DDX21: variants seen among roughly 807,000 people sequenced by gnomAD.
DDX21 encodes DExD-box helicase 21, also known as nucleolar RNA helicase 2.
In DDX21, 18 loss-of-function variants were observed where a neutral mutation model predicts 90.0. The ratio of observed to expected loss-of-function variants is 0.20; its 90% CI spans 0.14 to 0.30. The LOEUF is 0.30. DDX21 is among the 10% of genes least tolerant of loss of function. The probability of loss-of-function intolerance (pLI) is 1.00; values close to 1 mark genes in which losing one functional copy is unlikely to be tolerated. For synonymous variants in DDX21, 294 were observed against 318.0 expected (o/e 0.92, Z 0.80); for missense variants, 673 against 944.5 (o/e 0.71, Z 3.77).
chr10:68,965,307 G>A (rs1055962228), intron 4 of DDX21, 70 bp from the exon 5 acceptor site: 2 of 1,232,202 alleles, frequency 1.6e-6, no homozygotes, highest in Non-Finnish European at 2.3e-6. Context: ...CTGGAATGCT[G>A]TTCTTTAAGG....
At chr10:68,974,101 C>G (rs1300761372) in intron 10 of DDX21, among the ~76,000 whole-genome samples, 1 of 152,146 alleles carries the variant, frequency 6.6e-6, no homozygotes, top group Non-Finnish European at 1.5e-5. Context: ...TAGGGACTTG[C>G]TTTCAAAGAA....
intron 11 of DDX21, 103 bp from the exon 12 acceptor site, chr10:68,977,426 C>A: frequency 9.4e-7 from 1 of 1,059,120 alleles, no homozygotes; most frequent in Non-Finnish European, 1.3e-6. Flanking sequence ...ATATGTTACA[C>A]ATGTGAAAGA....
chr10:68,977,423 A>C, intron 11 of DDX21, 106 bp from the exon 12 acceptor site: 7 of 1,004,288 alleles, frequency 7.0e-6, no homozygotes, highest in South Asian at 6.2e-5. Flanking sequence ...TAAATATGTT[A>C]CACATGTGAA....
chr10:68,974,639 G>C, intron 10 of DDX21, 31 bp from the exon 11 acceptor site: 1 of 1,592,820 alleles, frequency 6.3e-7, no homozygotes, highest in Non-Finnish European at 8.6e-7. Flanking sequence ...GATGGCCACT[G>C]TACATTAAAC....
intron 10 of DDX21, among the ~76,000 whole-genome samples, chr10:68,973,972 T>C (rs558378403): frequency 1.3e-5 from 2 of 152,248 alleles, no homozygotes; most frequent in East Asian, 3.9e-4. Flanking sequence ...TGAGGGTATG[T>C]CAAAAGGATA....
chr10:68,956,489 A>G, intron 1 of DDX21, 177 bp downstream of exon 1: 2 of 1,443,912 alleles, frequency 1.4e-6, no homozygotes, highest in African/African-American at 1.4e-5. Flanking sequence ...CGGGCAGTGG[A>G]CGCGTCGTTT....
At chr10:68,966,178 C>A (rs1203939761) in intron 5 of DDX21, among the ~76,000 whole-genome samples, 1 of 151,592 alleles carries the variant, frequency 6.6e-6, no homozygotes, top group Non-Finnish European at 1.5e-5. Flanking sequence ...CACCTGTAGT[C>A]CCAGCTACTC....
chr10:68,974,986 C>A (rs1356342745), intron 11 of DDX21, among the ~76,000 whole-genome samples: 1 of 151,316 alleles, frequency 6.6e-6, no homozygotes, highest in Non-Finnish European at 1.5e-5. Context: ...TAACTGATAA[C>A]CTGTTTATCA....
At chr10:68,962,420 C>T (rs992050247) in intron 3 of DDX21, among the ~76,000 whole-genome samples, 1 of 152,126 alleles carries the variant, frequency 6.6e-6, no homozygotes, top group African/African-American at 2.4e-5. Flanking sequence ...TTGAGATCTT[C>T]CTGGGTAACA....
Position 68,962,099 on chromosome 10 carries a change from A to C in DDX21, c.549A>C (p.Gln183His). The change falls in exon 3 of 15, where the codon CAA becomes CAC. Residue 183 changes from glutamine (Q) to histidine (H), a missense_variant. This residue lies in a region of DDX21 where 204 missense variants were observed against 221.6 expected (regional missense o/e 0.92). Coordinates refer to ENST00000354185, the MANE Select transcript of DDX21 (RefSeq NM_004728.4). ...CTTGATAGGAAATACCTGTGGAACA[A>C]AAAGAAGGCGCTTTCTCTAATTTTC... ...SEIEQEIPVEQKEGAFSNFPI... is the reference protein window; with the variant it reads ...SEIEQEIPVEHKEGAFSNFPI... The C allele has an allele frequency of 6.2e-7, 1 of 1,612,672 alleles. No individual in the cohort carries two copies. Among genetic ancestry groups the C allele is most frequent in the Non-Finnish European group, 8.5e-7 (1 of 1,179,174 alleles).
At chr10:68,966,989 C>A in intron 5 of DDX21, 29 bp from the exon 6 acceptor site, 2 of 1,591,294 alleles carry the variant, frequency 1.3e-6, no homozygotes, top group Non-Finnish European at 1.7e-6. Context: ...TACTAAAAAC[C>A]CAGCAAATCT....
In DDX21 at chr10:68,960,200, G is replaced by A; in HGVS notation, c.482G>A (p.Cys161Tyr). 2.5e-6 allele frequency: 4 copies of A among 1,610,454 alleles called. No homozygotes were observed. Among genetic ancestry groups the A allele is most frequent in the Non-Finnish European group, 3.4e-6 (4 of 1,179,140 alleles). The part of the protein sequence containing the change: ...KNGFPHPEPD[C>Y]NPSEAASEES... ...GGATTTCCTCATCCTGAACCGGACT[G>A]TAACCCCAGTGAAGCTGCCAGTGAA... Residue 161 changes from cysteine (C) to tyrosine (Y), a missense_variant, in exon 2 of 15, where the codon TGT becomes TAT. By Grantham distance (194) the Cys-to-Tyr change is radical. Around this residue, in one of 4 missense-constraint regions of DDX21, gnomAD observed 204 missense variants for 221.6 expected, o/e 0.92. Transcript: ENST00000354185.
In DDX21 at chr10:68,963,326, A is replaced by G. The variant is rs1564625990; in HGVS notation, c.643A>G (p.Lys215Glu). ...GVTFLFPIQA[K>E]TFHHVYSGKD... ...GACCTTCCTATTTCCTATACAAGCA[A>G]AGACATTCCATCATGTTTACAGCGG... Residue 215 changes from lysine to glutamate, a missense_variant, in exon 4 of 15, where the codon AAG (lysine) becomes GAG (glutamate). Physicochemically the swap from Lys to Glu is moderately conservative, Grantham distance 56. Coordinates refer to ENST00000354185, the MANE Select transcript of DDX21 (RefSeq NM_004728.4). 6.2e-7 allele frequency: 1 copy of G among 1,613,876 alleles called. No individual in the cohort carries two copies. Among genetic ancestry groups the G allele is most frequent in the Non-Finnish European group, 8.5e-7 (1 of 1,179,924 alleles).
intron 11 of DDX21, among the ~76,000 whole-genome samples, chr10:68,976,452 T>A (rs1018099593): frequency 9.2e-5 from 14 of 151,912 alleles, no homozygotes; most frequent in Non-Finnish European, 1.5e-4. Context: ...CACGCCCAGC[T>A]AATTTTTTGT....
At chr10:68,974,619 G>C (rs750034718) in intron 10 of DDX21, 51 bp from the exon 11 acceptor site, 1 of 1,488,868 alleles carries the variant, frequency 6.7e-7, no homozygotes, top group Admixed American at 1.8e-5. Context: ...TTATCTTATT[G>C]GAAACAATTG....
rs1056954991 is a variant in DDX21, at chr10:68,974,463, T to C, written c.1669-207T>C. Reference sequence around the variant, plus strand: ...GTTGGTTTCTTAGTTGAAACAAATATACATTAACAGTGTAAGATGTTAATA... The same window carrying C: ...GTTGGTTTCTTAGTTGAAACAAATACACATTAACAGTGTAAGATGTTAATA... On this transcript the variant is annotated intron_variant, in intron 10 of 14. Transcript: ENST00000354185. Among the ~76,000 whole-genome samples, 7 of 152,234 alleles carry C rather than the reference T, an allele frequency of 4.6e-5. No homozygotes were observed. In the South Asian group the frequency reaches 1.4e-3, roughly 32 times the overall value.
chr10:68,978,766 A>C, intron 12 of DDX21, 76 bp from the exon 13 acceptor site: 1 of 1,525,742 alleles, frequency 6.6e-7, no homozygotes, highest in African/African-American at 1.4e-5. Flanking sequence ...AATATTTTAG[A>C]ATCACAAAAG....
intron 4 of DDX21, 102 bp from the exon 5 acceptor site, chr10:68,965,275 C>A: frequency 2.4e-6 from 2 of 843,228 alleles, no homozygotes; most frequent in South Asian, 1.6e-5. Flanking sequence ...CAGCGTTAGA[C>A]CTTGTTCAAG....
At chr10:68,969,375 G>A (rs561716341) in intron 7 of DDX21, among the ~76,000 whole-genome samples, 5 of 152,310 alleles carry the variant, frequency 3.3e-5, no homozygotes, top group Admixed American at 2.0e-4. Flanking sequence ...CACCTCCCAG[G>A]TTCAAGTGAT....
Sources: allele counts gnomAD v4.1 joint callset (sites outside exome capture counted in the v4.1 genomes callset), GRCh38; gene constraint gnomAD v4.1.1; regional missense constraint gnomAD v4.1.1; transcripts MANE v1.5; gene names NCBI Gene and HGNC (gene_info 2026-07-23, HGNC 2026-07-21).